The following LAMA2 variants were observed in gnomAD, a reference collection of about 807,000 sequenced individuals.
The protein encoded by LAMA2 is laminin subunit alpha 2, also known as laminin subunit alpha-2.
Under a neutral mutation model 364.8 loss-of-function variants are expected in LAMA2, and 269 were observed. The observed-to-expected ratio is 0.74, with a 90% CI of 0.67 to 0.82. LAMA2 has a LOEUF of 0.82. Ranked by LOEUF, LAMA2 falls within the 40% of genes least tolerant of loss-of-function variation. LAMA2 has a pLI of 0.00. For missense variants in LAMA2, 3,807 were observed against 3,873.2 expected (o/e 0.98, Z 0.45); for synonymous variants, 1,379 against 1,370.6 (o/e 1.01, Z -0.14).
chr6:129,148,617 A>G (rs946943787), intron 6 of LAMA2, among the ~76,000 whole-genome samples: 5 of 152,036 alleles, frequency 3.3e-5, no homozygotes, highest in African/African-American at 1.2e-4. Flanking sequence ...GCCATATCCA[A>G]AAATATTAAC....
chr6:129,314,613 C>A, intron 23 of LAMA2, 42 bp from the exon 24 acceptor site: 2 of 1,605,786 alleles, frequency 1.2e-6, no homozygotes, highest in African/African-American at 1.3e-5. Flanking sequence ...TCTCCCCTAA[C>A]TTTGCCGTTA....
intron 17 of LAMA2, among the ~76,000 whole-genome samples, chr6:129,271,800 T>G (rs1270456139): frequency 6.6e-6 from 1 of 152,148 alleles, no homozygotes; most frequent in East Asian, 1.9e-4. Flanking sequence ...TCAATGATCT[T>G]TAAGGGAAAT....
intron 1 of LAMA2, among the ~76,000 whole-genome samples, chr6:128,944,701 T>G (rs571226035): frequency 6.6e-6 from 1 of 151,384 alleles, no homozygotes; most frequent in African/African-American, 2.4e-5. Context: ...CTACAGGCTG[T>G]ACAGGAAGCA....
rs532129910 is a variant in LAMA2 at position 129,058,096 on chromosome 6, T to C, written c.284-1688T>C. On this transcript the variant is annotated intron_variant, in intron 2 of 64. Coordinates refer to ENST00000421865, the MANE Select transcript of LAMA2 (RefSeq NM_000426.4). ...ATGTGAGGAATTTAAGTGCCCTTAC[T>C]GCAGCCTTGGGAATAGAAACAGGAT... Among the ~76,000 whole-genome samples the C allele has an allele frequency of 2.0e-4, 30 of 152,328 alleles. No individual in the cohort carries two copies. In the East Asian group the frequency reaches 5.2e-3, roughly 26 times the overall value.
rs1323240000 is a variant in LAMA2 at position 129,511,994 on chromosome 6, T to A, written c.8858-369T>A. On this transcript the variant is annotated intron_variant, in intron 62 of 64. Coordinates refer to ENST00000421865, the MANE Select transcript of LAMA2 (RefSeq NM_000426.4). Reference sequence around the variant, plus strand: ...CTTCTAAGATAATAATACCTGACAGTGAGATTCTTTAAGTCAATCTCAGTG... The same window carrying A: ...CTTCTAAGATAATAATACCTGACAGAGAGATTCTTTAAGTCAATCTCAGTG... Among the ~76,000 whole-genome samples, 11 of 152,180 alleles carry A rather than the reference T, an allele frequency of 7.2e-5. No homozygotes were observed. The East Asian group carries it at 2.1e-3, about 29-fold the overall frequency.
chr6:129,442,781 G>T, intron 43 of LAMA2: 1 of 448,880 alleles, frequency 2.2e-6, no homozygotes, highest in South Asian at 2.1e-5. Context: ...TCTATTATGA[G>T]AAATAGTTAA....
chr6:129,180,381 A>T (rs933321465), intron 10 of LAMA2, among the ~76,000 whole-genome samples: 4 of 152,172 alleles, frequency 2.6e-5, no homozygotes, highest in Non-Finnish European at 5.9e-5. Flanking sequence ...TAATGTGTAT[A>T]TAAGTATTCA....
At chr6:129,502,090 A>T (rs1015864365) in intron 58 of LAMA2, among the ~76,000 whole-genome samples, 9 of 152,198 alleles carry the variant, frequency 5.9e-5, no homozygotes, top group African/African-American at 7.2e-5. Context: ...TTACATTTTT[A>T]AAATGTGCTG....
chr6:129,320,901 T>A (rs1373451627), intron 28 of LAMA2, among the ~76,000 whole-genome samples: 1 of 152,236 alleles, frequency 6.6e-6, no homozygotes, highest in Non-Finnish European at 1.5e-5. Flanking sequence ...GAATTAAGAA[T>A]GTTTTAATAA....
chr6:129,215,007 T>C (rs1405587614), intron 12 of LAMA2, among the ~76,000 whole-genome samples: 1 of 152,228 alleles, frequency 6.6e-6, no homozygotes, highest in Non-Finnish European at 1.5e-5. Context: ...TAGATTTATA[T>C]TGAAGTGTTT....
At chr6:129,023,795 T>G (rs73588890) in intron 1 of LAMA2, among the ~76,000 whole-genome samples, 4,052 of 152,310 alleles carry the variant, frequency 0.027, 169 homozygotes, top group African/African-American at 0.093. Flanking sequence ...TTTTCCTTTA[T>G]ACAGTTATCA....
chr6:128,969,774 T>C (rs1415886175), intron 1 of LAMA2, among the ~76,000 whole-genome samples: 1 of 152,112 alleles, frequency 6.6e-6, no homozygotes, highest in Non-Finnish European at 1.5e-5. Flanking sequence ...ATAAAAATGC[T>C]TCTATTTGGA....
Position 129,130,555 on chromosome 6 carries a change from T to C in LAMA2, c.640-13346T>C, listed in dbSNP as rs184437138. Among the ~76,000 whole-genome samples the C allele has an allele frequency of 2.4e-3, 358 of 152,302 alleles. 2 individuals are homozygous for C. Among genetic ancestry groups the C allele is most frequent in the African/African-American group, 8.2e-3 (342 of 41,570 alleles). On this transcript the variant is annotated intron_variant, in intron 4 of 64. Coordinates refer to ENST00000421865, the MANE Select transcript of LAMA2 (RefSeq NM_000426.4). ...CTGAAGATGGCAGTGATGCTGATAG[T>C]GGTGAGACATGGAAGATGTAGAGGA... is the stretch of plus-strand genomic sequence containing the variant.
chr6:129,062,448 A>C (rs1365594813), intron 3 of LAMA2, among the ~76,000 whole-genome samples: 1 of 152,074 alleles, frequency 6.6e-6, no homozygotes, highest in Admixed American at 6.6e-5. Flanking sequence ...ATATATTTTC[A>C]AGGGCTCCAA....
intron 1 of LAMA2, among the ~76,000 whole-genome samples, chr6:128,998,351 T>C (rs979867727): frequency 1.3e-5 from 2 of 152,198 alleles, no homozygotes; most frequent in Admixed American, 1.3e-4. Context: ...GAAGGTCTTA[T>C]AGAATATTGT....
At chr6:129,320,169 AAAAAG>A (rs1165866264) in intron 27 of LAMA2, among the ~76,000 whole-genome samples, 1 of 151,796 alleles carries the variant, frequency 6.6e-6, no homozygotes, top group Non-Finnish European at 1.5e-5. Flanking sequence ...AAAGAAAAAA[AAAAAG>A]AAAAGAATAG....
chr6:129,130,660 A>T (rs1192796455), intron 4 of LAMA2, among the ~76,000 whole-genome samples: 1 of 152,230 alleles, frequency 6.6e-6, no homozygotes, highest in Non-Finnish European at 1.5e-5. Flanking sequence ...TGGGCAATAA[A>T]TATTCACTGG....
In LAMA2 at chr6:129,491,329, T is replaced by A. The variant is rs73776182; in HGVS notation, c.7899-572T>A. On this transcript the variant is annotated intron_variant, in intron 56 of 64. Transcript: ENST00000421865. ...TGTGAGTTCTCTCTCATAAGCAAAT[T>A]AGGAAAATTAATGAAACAGCCACTA... Among the ~76,000 whole-genome samples, 1,183 of 152,236 alleles carry A rather than the reference T, an allele frequency of 7.8e-3. 25 individuals carry two copies. Among genetic ancestry groups the A allele is most frequent in the African/African-American group, 0.027 (1,126 of 41,518 alleles).
chr6:129,148,358 A>G (rs1305270117), intron 6 of LAMA2, among the ~76,000 whole-genome samples: 1 of 152,002 alleles, frequency 6.6e-6, no homozygotes, highest in Non-Finnish European at 1.5e-5. Flanking sequence ...TATCAGATGG[A>G]GGGAGGCAAA....
Sources: allele counts gnomAD v4.1 joint callset (sites outside exome capture counted in the v4.1 genomes callset), GRCh38; gene constraint gnomAD v4.1.1; transcripts MANE v1.5; gene names NCBI Gene and HGNC (gene_info 2026-07-23, HGNC 2026-07-21).